CTNNA3: variants seen among roughly 807,000 people sequenced by gnomAD.
CTNNA3 encodes catenin alpha 3.
In CTNNA3, 76 loss-of-function variants were observed where a neutral mutation model predicts 95.7. The ratio of observed to expected loss-of-function variants is 0.79; its 90% CI spans 0.66 to 0.96. The LOEUF (loss-of-function observed/expected upper bound fraction) is 0.96, where lower values mean the gene tolerates loss of function less well. CTNNA3 is among the 40% of genes least tolerant of loss of function. The probability of loss-of-function intolerance (pLI) is 0.00; values close to 1 mark genes in which losing one functional copy is unlikely to be tolerated. For synonymous variants in CTNNA3, 431 were observed against 374.4 expected (o/e 1.15, Z -1.74); for missense variants, 1,191 against 1,089.8 (o/e 1.09, Z -1.31).
chr10:66,330,687 A>G (rs1032885762), intron 12 of CTNNA3, among the ~76,000 whole-genome samples: 3 of 152,116 alleles, frequency 2.0e-5, no homozygotes, highest in Non-Finnish European at 4.4e-5. Flanking sequence ...AGTCCCACCA[A>G]CAGTGTAAAA....
chr10:66,818,377 C>G (rs935528046), intron 7 of CTNNA3, among the ~76,000 whole-genome samples: 4 of 152,000 alleles, frequency 2.6e-5, no homozygotes, highest in African/African-American at 9.7e-5. Context: ...TATAGGAAAT[C>G]CTAAGGAATA....
chr10:67,480,675 C>G (rs182455309), intron 5 of CTNNA3, among the ~76,000 whole-genome samples: 89 of 152,326 alleles, frequency 5.8e-4, no homozygotes, highest in African/African-American at 2.1e-3. Context: ...TAATCTATAA[C>G]CTATAGAAAC....
At chr10:66,994,955 G>A (rs991916572) in intron 7 of CTNNA3, among the ~76,000 whole-genome samples, 2 of 152,112 alleles carry the variant, frequency 1.3e-5, no homozygotes, top group Non-Finnish European at 2.9e-5. Flanking sequence ...TGCCAAGATG[G>A]AACTCTCCAC....
intron 7 of CTNNA3, among the ~76,000 whole-genome samples, chr10:67,060,279 C>T (rs1855686980): frequency 6.6e-6 from 1 of 152,098 alleles, no homozygotes; most frequent in African/African-American, 2.4e-5. Flanking sequence ...GATTGTGCCA[C>T]TATACTCCAG....
intron 5 of CTNNA3, among the ~76,000 whole-genome samples, chr10:67,286,158 A>G (rs1317128177): frequency 6.6e-6 from 1 of 152,238 alleles, no homozygotes; most frequent in Non-Finnish European, 1.5e-5. Flanking sequence ...AAATGAAGAC[A>G]TCTGCCTTCT....
At chr10:67,421,820 AT>A (rs1214774940) in intron 5 of CTNNA3, among the ~76,000 whole-genome samples, 1 of 152,190 alleles carries the variant, frequency 6.6e-6, no homozygotes, top group African/African-American at 2.4e-5. Flanking sequence ...CTTAAAAAAA[AT>A]ACTGATATAA....
At chr10:66,353,486 T>G (rs148990875) in intron 12 of CTNNA3, among the ~76,000 whole-genome samples, 1 of 152,264 alleles carries the variant, frequency 6.6e-6, no homozygotes, top group Non-Finnish European at 1.5e-5. Context: ...TGTTTTTGTA[T>G]TTTTCATATC....
In CTNNA3 at chr10:66,604,566, G is replaced by A. The variant is rs552378422; in HGVS notation, c.1374+17126C>T. The stretch of plus-strand genomic sequence containing the variant: ...ACCACCCATCAGAGAGTACTGACCA[G>A]CATTCTGGGAGTACCTCGGCCCCCT... On this transcript the variant is annotated intron_variant, in intron 10 of 17. Coordinates refer to ENST00000433211, the MANE Select transcript of CTNNA3 (RefSeq NM_013266.4). Among the ~76,000 whole-genome samples, 3 of 152,224 alleles carry A rather than the reference G, an allele frequency of 2.0e-5. No individual in the cohort carries two copies. The South Asian group carries it at 6.2e-4, about 32-fold the overall frequency.
intron 10 of CTNNA3, among the ~76,000 whole-genome samples, chr10:66,591,426 T>C (rs1334580138): frequency 6.6e-6 from 1 of 152,174 alleles, no homozygotes; most frequent in African/African-American, 2.4e-5. Flanking sequence ...GATATCATTT[T>C]GAATAAGAGC....
chr10:66,776,721 G>A (rs1182861955), intron 7 of CTNNA3, among the ~76,000 whole-genome samples: 1 of 151,996 alleles, frequency 6.6e-6, no homozygotes, highest in African/African-American at 2.4e-5. Flanking sequence ...ACTCCTCACT[G>A]GTTTCTACAG....
rs561460808 is a variant in CTNNA3, at chr10:66,268,191, C to T, written c.1884+12279G>A. Among the ~76,000 whole-genome samples, 10 of 152,020 alleles carry T rather than the reference C, an allele frequency of 6.6e-5. No homozygotes were observed. The South Asian group carries it at 8.3e-4, about 13-fold the overall frequency. On this transcript the variant is annotated intron_variant, in intron 13 of 17. Transcript: ENST00000433211. ...TCTAAAGATGGATACAATATTATTCCTCATCTCACATGCTCCTTTTGACCT... is the reference window on the plus strand; with the variant it reads ...TCTAAAGATGGATACAATATTATTCTTCATCTCACATGCTCCTTTTGACCT...
At position 66,100,410 on chromosome 10, in the gene CTNNA3, T is replaced by G. The variant is rs186255602; in HGVS notation, c.1977+2747A>C. 2.6e-5 allele frequency among the ~76,000 whole-genome samples: 4 copies of G among 152,232 alleles called. No individual in the cohort carries two copies. In the East Asian group the frequency reaches 7.7e-4, roughly 29 times the overall value. On this transcript the variant is annotated intron_variant, in intron 14 of 17. Coordinates refer to ENST00000433211, the MANE Select transcript of CTNNA3 (RefSeq NM_013266.4). ...ATGCAGGAAGTGAATAAAATCCAAT[T>G]ATTTGGGATTTATGCAGAGGATATT...
At position 66,959,351 on chromosome 10, in the gene CTNNA3, T is replaced by G. The variant is rs190853561; in HGVS notation, c.1048-183827A>C. ...AGAAACCAAGACAGGATTTCTATTT[T>G]TATTCCTGTTTCAATCCTCATGCCC... On this transcript the variant is annotated intron_variant, in intron 7 of 17. Coordinates refer to ENST00000433211, the MANE Select transcript of CTNNA3 (RefSeq NM_013266.4). 5.4e-3 allele frequency among the ~76,000 whole-genome samples: 826 copies of G among 152,328 alleles called. 6 individuals are homozygous for G. Among genetic ancestry groups the G allele is most frequent in the Non-Finnish European group, 8.0e-3 (543 of 68,014 alleles).
chr10:67,477,251 T>G (rs1266530989), intron 5 of CTNNA3, among the ~76,000 whole-genome samples: 1 of 150,564 alleles, frequency 6.6e-6, no homozygotes, highest in Admixed American at 6.6e-5. Context: ...TCTCGGTGGA[T>G]GCTCACTACA....
At chr10:66,841,126 A>G (rs985744754) in intron 7 of CTNNA3, among the ~76,000 whole-genome samples, 2 of 152,206 alleles carry the variant, frequency 1.3e-5, no homozygotes, top group Non-Finnish European at 2.9e-5. Flanking sequence ...TTAAAAGAAG[A>G]GAAGCATGAA....
At chr10:66,344,241 T>A (rs1336585449) in intron 12 of CTNNA3, among the ~76,000 whole-genome samples, 30 of 110,184 alleles carry the variant, frequency 2.7e-4, no homozygotes, top group Admixed American at 2.6e-3. Flanking sequence ...AAAAAAAAAA[T>A]TGACTGCAAT....
intron 9 of CTNNA3, among the ~76,000 whole-genome samples, chr10:66,712,801 G>A (rs754234514): frequency 2.6e-5 from 4 of 152,090 alleles, no homozygotes; most frequent in Non-Finnish European, 2.9e-5. Context: ...TAGAAAAGAC[G>A]TCTCACATTC....
intron 15 of CTNNA3, among the ~76,000 whole-genome samples, chr10:66,010,811 A>T (rs1167569199): frequency 1.3e-5 from 2 of 152,232 alleles, no homozygotes; most frequent in African/African-American, 4.8e-5. Flanking sequence ...ACACTGTACA[A>T]AATGTAAGCA....
intron 7 of CTNNA3, among the ~76,000 whole-genome samples, chr10:66,970,890 A>T (rs1849685591): frequency 6.6e-6 from 1 of 152,120 alleles, no homozygotes; most frequent in African/African-American, 2.4e-5. Context: ...AGATCTCAAG[A>T]ATTCTCAATG....
Sources: gnomAD v4.1 joint callset for allele counts (sites outside exome capture counted in the v4.1 genomes callset) on GRCh38, gnomAD v4.1.1 for gene constraint, MANE v1.5 for transcripts, NCBI Gene and HGNC (gene_info 2026-07-23, HGNC 2026-07-21) for gene names.